The following LCLAT1 variants were observed in gnomAD, a reference collection of about 807,000 sequenced individuals.
LCLAT1 encodes lysocardiolipin acyltransferase 1.
In LCLAT1, 11 loss-of-function variants were observed where a neutral mutation model predicts 30.7. The observed-to-expected ratio is 0.36, with a 90% CI of 0.23 to 0.59. LCLAT1 has a LOEUF of 0.59. LCLAT1 is among the 20% of genes least tolerant of loss of function. The pLI is 0.77. For synonymous variants in LCLAT1, 155 were observed against 151.3 expected (o/e 1.02, Z -0.18); for missense variants, 402 against 458.6 (o/e 0.88, Z 1.13).
intron 5 of LCLAT1, among the ~76,000 whole-genome samples, chr2:30,605,033 C>G (rs1274183080): frequency 1.3e-5 from 2 of 152,224 alleles, no homozygotes; most frequent in Non-Finnish European, 2.9e-5. Context: ...GGACCTGTAA[C>G]ACAGTTAACA....
Position 30,557,283 on chromosome 2 carries a change from C to CGTGTGTGTGTGT in LCLAT1, c.365-4830_365-4819dup, listed in dbSNP as rs373793652. On this transcript the variant is annotated intron_variant, in intron 3 of 5. Coordinates refer to ENST00000379509, the MANE Select transcript of LCLAT1 (RefSeq NM_001002257.3). ...TGTAGGACAGTGTAGAAGGTATGAT[C>CGTGTGTGTGTGT]GTGTGTGTGTGTGTGTGTGTGTGTG... Among the ~76,000 whole-genome samples the CGTGTGTGTGTGT allele has an allele frequency of 2.6e-3, 363 of 138,644 alleles. 5 individuals carry two copies. Among genetic ancestry groups the CGTGTGTGTGTGT allele is most frequent in the African/African-American group, 8.8e-3 (321 of 36,336 alleles). The allele number at this position is 138,644 out of a possible 152,430, so 91.0% of individuals were successfully genotyped here. A position where few individuals can be genotyped will look rare whatever the true frequency, so the allele number is the denominator to read the frequency against.
chr2:30,477,105 G>A (rs1024438147), intron 1 of LCLAT1, among the ~76,000 whole-genome samples: 9 of 152,074 alleles, frequency 5.9e-5, no homozygotes, highest in African/African-American at 1.2e-4. Flanking sequence ...ATCAACGCTT[G>A]TTCCTGTGCC....
intron 5 of LCLAT1, among the ~76,000 whole-genome samples, chr2:30,608,762 G>A (rs1667588779): frequency 6.6e-6 from 1 of 152,008 alleles, no homozygotes; most frequent in Non-Finnish European, 1.5e-5. Flanking sequence ...ATGTTCCCAT[G>A]ACAAAAAAAT....
chr2:30,455,755 A>G (rs1308367465), intron 1 of LCLAT1, among the ~76,000 whole-genome samples: 1 of 151,892 alleles, frequency 6.6e-6, no homozygotes, highest in Non-Finnish European at 1.5e-5. Context: ...AAAAAAAATT[A>G]AAAAGTTAGC....
At chr2:30,585,280 C>T (rs1184336873) in intron 5 of LCLAT1, among the ~76,000 whole-genome samples, 1 of 149,958 alleles carries the variant, frequency 6.7e-6, no homozygotes, top group Non-Finnish European at 1.5e-5. Flanking sequence ...AAAAAAAATA[C>T]CGAGTCAAAA....
intron 5 of LCLAT1, among the ~76,000 whole-genome samples, chr2:30,635,742 A>G (rs1668993021): frequency 6.6e-6 from 1 of 152,234 alleles, no homozygotes; most frequent in African/African-American, 2.4e-5. Context: ...CTAACATCCA[A>G]AACTTACTAT....
chr2:30,476,491 A>G (rs758102487), intron 1 of LCLAT1: 4 of 456,518 alleles, frequency 8.8e-6, no homozygotes, highest in South Asian at 4.6e-5. Flanking sequence ...CAGGCCCTAT[A>G]ACTGTGCTTG....
At chr2:30,611,226 G>A (rs1206699971) in intron 5 of LCLAT1, among the ~76,000 whole-genome samples, 2 of 151,402 alleles carry the variant, frequency 1.3e-5, no homozygotes, top group African/African-American at 4.9e-5. Flanking sequence ...ATTGCTCTAT[G>A]TGAACATGAT....
intron 1 of LCLAT1, among the ~76,000 whole-genome samples, chr2:30,464,669 C>T (rs769690099): frequency 3.2e-4 from 48 of 152,114 alleles, no homozygotes; most frequent in Non-Finnish European, 5.9e-4. Flanking sequence ...CTCTTGTATT[C>T]TTGGGGCAAA....
intron 5 of LCLAT1, among the ~76,000 whole-genome samples, chr2:30,625,004 C>T (rs556581600): frequency 1.1e-4 from 17 of 152,180 alleles, no homozygotes; most frequent in South Asian, 6.2e-4. Flanking sequence ...TAACCTGCTC[C>T]GGAATGATTA....
At chr2:30,555,187 A>G (rs1020698373) in intron 3 of LCLAT1, among the ~76,000 whole-genome samples, 3 of 152,206 alleles carry the variant, frequency 2.0e-5, no homozygotes, top group Non-Finnish European at 4.4e-5. Flanking sequence ...AGCCATATTC[A>G]ATGATAGAAA....
At chr2:30,480,825 T>C (rs1254581574) in intron 1 of LCLAT1, among the ~76,000 whole-genome samples, 1 of 152,032 alleles carries the variant, frequency 6.6e-6, no homozygotes, top group Non-Finnish European at 1.5e-5. Flanking sequence ...GTGCACAATA[T>C]CAATATGGTC....
rs1447193 is a variant in LCLAT1, at chr2:30,642,114, A to G, written c.*1495A>G. ...TTTTTGCTTGACAGTGACCTACCCA[A>G]TAATTGCATCGTGCATTGCCATGAA... is the stretch of plus-strand genomic sequence containing the variant. On this transcript the variant is annotated 3_prime_UTR_variant, in exon 6 of 6. Coordinates refer to ENST00000379509, the MANE Select transcript of LCLAT1 (RefSeq NM_001002257.3). 0.8 allele frequency: 120,874 copies of G among 152,016 alleles called. 48,227 individuals are homozygous for G. Among genetic ancestry groups the G allele is most frequent in the East Asian group, 0.87 (4,507 of 5,158 alleles). 9.4% of individuals were successfully genotyped at this position (152,016 alleles called of 1,614,324 possible). A position where few individuals can be genotyped will look rare whatever the true frequency, so the allele number is the denominator to read the frequency against.
At chr2:30,537,663 A>G (rs1474741743) in intron 3 of LCLAT1, among the ~76,000 whole-genome samples, 1 of 152,156 alleles carries the variant, frequency 6.6e-6, no homozygotes, top group African/African-American at 2.4e-5. Flanking sequence ...ACTCTCAGCA[A>G]CAGATAGATG....
intron 5 of LCLAT1, among the ~76,000 whole-genome samples, chr2:30,625,364 A>G (rs989061515): frequency 1.3e-5 from 2 of 152,184 alleles, no homozygotes; most frequent in Non-Finnish European, 2.9e-5. Context: ...TGAAGAGAGA[A>G]GATCCAAATA....
In LCLAT1 at chr2:30,453,283, C is replaced by T. The variant is rs575051343; in HGVS notation, c.-5+5900C>T. Reference sequence around the variant, plus strand: ...ATGAAGAAAGAGGAATGAGTGGTGGCGGCGGTTCTTCCAGCTCTTCCAGCT... The same window carrying T: ...ATGAAGAAAGAGGAATGAGTGGTGGTGGCGGTTCTTCCAGCTCTTCCAGCT... On this transcript the variant is annotated intron_variant, in intron 1 of 5. Transcript: ENST00000379509. Among the ~76,000 whole-genome samples, 4 of 152,118 alleles carry T rather than the reference C, an allele frequency of 2.6e-5. No individual in the cohort carries two copies. The South Asian group carries it at 6.2e-4, about 24-fold the overall frequency.
At chr2:30,503,812 T>G (rs1375561209) in intron 1 of LCLAT1, among the ~76,000 whole-genome samples, 3 of 152,238 alleles carry the variant, frequency 2.0e-5, no homozygotes, top group Admixed American at 2.0e-4. Context: ...AAAAATAATG[T>G]CAAGAAGTCC....
intron 1 of LCLAT1, among the ~76,000 whole-genome samples, chr2:30,450,547 T>C (rs919844732): frequency 1.3e-5 from 2 of 152,236 alleles, no homozygotes; most frequent in Admixed American, 6.5e-5. Context: ...GTTTTGAATA[T>C]ATTTGTACAG....
chr2:30,492,357 C>T (rs1387818287), intron 1 of LCLAT1, among the ~76,000 whole-genome samples: 1 of 151,942 alleles, frequency 6.6e-6, no homozygotes, highest in Non-Finnish European at 1.5e-5. Context: ...GGTTGAATTT[C>T]CTTGAGAGGA....
Sources: gnomAD v4.1 joint callset for allele counts (sites outside exome capture counted in the v4.1 genomes callset) on GRCh38, gnomAD v4.1.1 for gene constraint, MANE v1.5 for transcripts, NCBI Gene and HGNC (gene_info 2026-07-23, HGNC 2026-07-21) for gene names.